GALNT13: variants seen among roughly 807,000 people sequenced by gnomAD.
The protein encoded by GALNT13 is polypeptide N-acetylgalactosaminyltransferase 13.
GALNT13 carries 28 observed loss-of-function variants against 64.2 expected under a neutral mutation model. That is an observed-to-expected ratio of 0.44 (90% CI 0.32 to 0.60). The LOEUF (loss-of-function observed/expected upper bound fraction) is 0.60, where lower values mean the gene tolerates loss of function less well. GALNT13 is among the 20% of genes least tolerant of loss of function. The probability of loss-of-function intolerance (pLI) is 0.05; values close to 1 mark genes in which losing one functional copy is unlikely to be tolerated. For synonymous variants in GALNT13, 214 were observed against 224.6 expected, an observed-to-expected ratio of 0.95 and a Z score of 0.42; for missense variants, 577 against 669.8, an observed-to-expected ratio of 0.86 and a Z score of 1.53.
the GALNT13 span, among the ~76,000 whole-genome samples, chr2:153,434,227 C>T: frequency 6.6e-6 from 1 of 152,104 alleles, no homozygotes; most frequent in African/African-American, 2.4e-5. Flanking sequence ...TCCAGTCTAT[C>T]ATTGTTGGAC....
chr2:153,820,903 A>G, the GALNT13 span, among the ~76,000 whole-genome samples: 3 of 152,132 alleles, frequency 2.0e-5, no homozygotes, highest in Non-Finnish European at 4.4e-5. Flanking sequence ...CATCCCACTT[A>G]AAATGCACAA....
chr2:153,497,319 T>G, the GALNT13 span, among the ~76,000 whole-genome samples: 2 of 151,972 alleles, frequency 1.3e-5, no homozygotes, highest in Non-Finnish European at 2.9e-5. Flanking sequence ...GATTAGCTGT[T>G]TCTTTTGGGG....
In GALNT13 at chr2:154,063,181, T is replaced by A. The variant is rs1485775540; in HGVS notation, c.143-77156T>A. Among the ~76,000 whole-genome samples, 3 of 152,164 alleles carry A rather than the reference T, an allele frequency of 2.0e-5. No individual in the cohort carries two copies. In the East Asian group the frequency reaches 5.8e-4, roughly 29 times the overall value. ...GCCTCATTTCAATCCCTTATATATA[T>A]CACATTCTCTTAAGGAAGCAGTGGT... On this transcript the variant is annotated intron_variant, in intron 3 of 12. Transcript: ENST00000392825.
intron 3 of GALNT13, among the ~76,000 whole-genome samples, chr2:154,048,851 G>A (rs1316537360): frequency 6.6e-6 from 1 of 152,042 alleles, no homozygotes; most frequent in East Asian, 1.9e-4. Flanking sequence ...ATTCATGAAA[G>A]TGTGATGTCA....
chr2:153,632,383 T>C, the GALNT13 span, among the ~76,000 whole-genome samples: 3 of 152,180 alleles, frequency 2.0e-5, no homozygotes, highest in Non-Finnish European at 4.4e-5. Flanking sequence ...AACTAAAGTC[T>C]ATAGTTTACA....
the GALNT13 span, among the ~76,000 whole-genome samples, chr2:153,415,532 AT>A: frequency 6.6e-6 from 1 of 152,246 alleles, no homozygotes; most frequent in Non-Finnish European, 1.5e-5. Context: ...GTATAAAAGT[AT>A]GAGTACATGG....
At chr2:154,276,841 A>G (rs567902467) in intron 8 of GALNT13, among the ~76,000 whole-genome samples, 1 of 152,274 alleles carries the variant, frequency 6.6e-6, no homozygotes, top group Non-Finnish European at 1.5e-5. Flanking sequence ...TGGTTTTACA[A>G]AGGGCTTTTC....
chr2:153,399,396 T>C, the GALNT13 span, among the ~76,000 whole-genome samples: 1 of 152,232 alleles, frequency 6.6e-6, no homozygotes, highest in East Asian at 1.9e-4. Flanking sequence ...AGGATTGACT[T>C]GGTGATGTGG....
chr2:153,716,655 A>G, the GALNT13 span, among the ~76,000 whole-genome samples: 15 of 152,210 alleles, frequency 9.9e-5, no homozygotes, highest in African/African-American at 3.6e-4. Flanking sequence ...TTTAGGGGTC[A>G]TTCCAATGAC....
At chr2:153,959,061 G>A (rs1692765794) in intron 3 of GALNT13, among the ~76,000 whole-genome samples, 2 of 152,212 alleles carry the variant, frequency 1.3e-5, no homozygotes, top group African/African-American at 2.4e-5. Context: ...TGGCTGTTGG[G>A]AAAATAATAC....
At chr2:153,252,659 G>A in the GALNT13 span, among the ~76,000 whole-genome samples, 2 of 152,190 alleles carry the variant, frequency 1.3e-5, no homozygotes, top group Admixed American at 1.3e-4. Context: ...TAATGTGTAA[G>A]GAAGGGATCC....
chr2:153,610,266 G>A, the GALNT13 span, among the ~76,000 whole-genome samples: 15 of 152,032 alleles, frequency 9.9e-5, no homozygotes, highest in Non-Finnish European at 1.8e-4. Flanking sequence ...AGAAAACAAA[G>A]CAAAAGCTTC....
intron 11 of GALNT13, among the ~76,000 whole-genome samples, chr2:154,417,517 A>ATT (rs775341273): frequency 7.1e-5 from 9 of 127,124 alleles, no homozygotes; most frequent in African/African-American, 2.8e-4. Flanking sequence ...TTATTTATTT[A>ATT]TTTATTTTTT....
the GALNT13 span, among the ~76,000 whole-genome samples, chr2:153,377,355 CCA>C: frequency 6.6e-6 from 1 of 152,068 alleles, no homozygotes; most frequent in South Asian, 2.1e-4. Context: ...CTGTTTGTCC[CCA>C]CCAAATCTCA....
chr2:154,429,670 A>T (rs185524268), intron 11 of GALNT13, among the ~76,000 whole-genome samples: 149 of 152,352 alleles, frequency 9.8e-4, no homozygotes, highest in African/African-American at 3.2e-3. Flanking sequence ...CAGATTTTCA[A>T]TGTAGATAAA....
chr2:153,977,172 C>T (rs985056849), intron 3 of GALNT13, among the ~76,000 whole-genome samples: 6 of 152,090 alleles, frequency 3.9e-5, no homozygotes, highest in Admixed American at 6.6e-5. Context: ...CATCAACTGC[C>T]TCTCAAGGAA....
intron 3 of GALNT13, among the ~76,000 whole-genome samples, chr2:154,000,694 G>T (rs1176200178): frequency 3.9e-5 from 6 of 151,974 alleles, no homozygotes; most frequent in Non-Finnish European, 7.4e-5. Context: ...GTTAAGACTT[G>T]TTCTGTGACC....
chr2:153,145,309 C>T, the GALNT13 span, among the ~76,000 whole-genome samples: 30 of 151,762 alleles, frequency 2.0e-4, no homozygotes, highest in Non-Finnish European at 3.7e-4. Context: ...TAATTTTAGC[C>T]AAACATCTAT....
intron 9 of GALNT13, among the ~76,000 whole-genome samples, chr2:154,340,532 C>T (rs1021955746): frequency 3.3e-5 from 5 of 151,862 alleles, no homozygotes; most frequent in African/African-American, 9.7e-5. Flanking sequence ...TTTATTATTC[C>T]GTGTGTTGCC....
Sources: gnomAD v4.1 joint callset for allele counts (sites outside exome capture counted in the v4.1 genomes callset) on GRCh38, gnomAD v4.1.1 for gene constraint, MANE v1.5 for transcripts, NCBI Gene and HGNC (gene_info 2026-07-23, HGNC 2026-07-21) for gene names.